Variants in OCA2 observed in about 807,000 individuals in gnomAD.
OCA2 encodes P protein.
Under a neutral mutation model 100.2 loss-of-function variants are expected in OCA2, and 77 were observed. The observed-to-expected ratio is 0.77, with a 90% CI of 0.64 to 0.93. The LOEUF (loss-of-function observed/expected upper bound fraction) is 0.93. Among genes scored for constraint, OCA2 ranks in the 40% least tolerant of loss-of-function variants. The probability of loss-of-function intolerance (pLI) is 0.00; values close to 1 mark genes in which losing one functional copy is unlikely to be tolerated. For synonymous variants in OCA2, 432 were observed against 439.2 expected (o/e 0.98, Z 0.21); for missense variants, 1,062 against 1,089.1 (o/e 0.98, Z 0.35).
At chr15:27,866,129 G>T (rs2036313740) in intron 21 of OCA2, among the ~76,000 whole-genome samples, 1 of 152,098 alleles carries the variant, frequency 6.6e-6, no homozygotes, top group South Asian at 2.1e-4. Context: ...CCCAGAGGCT[G>T]CCAGAGGGAA....
intron 19 of OCA2, among the ~76,000 whole-genome samples, chr15:27,874,714 T>C (rs1224669096): frequency 6.6e-6 from 1 of 152,184 alleles, no homozygotes; most frequent in African/African-American, 2.4e-5. Context: ...GAGTTAAGAA[T>C]GAAGGCTATC....
chr15:27,799,754 A>AG (rs1159201201), intron 23 of OCA2, among the ~76,000 whole-genome samples: 8 of 152,144 alleles, frequency 5.3e-5, no homozygotes, highest in Non-Finnish European at 1.2e-4. Context: ...AAAAAAAAAA[A>AG]AAAAAACTTT....
At chr15:28,029,708 C>T (rs1163340027) in intron 3 of OCA2, among the ~76,000 whole-genome samples, 1 of 152,006 alleles carries the variant, frequency 6.6e-6, no homozygotes, top group African/African-American at 2.4e-5. Context: ...TGTCAACACC[C>T]TTAAAAGAAT....
intron 3 of OCA2, 133 bp from the exon 4 acceptor site, chr15:28,028,192 G>T: frequency 9.9e-7 from 1 of 1,006,408 alleles, no homozygotes. Flanking sequence ...AGACAGTGGT[G>T]CACTCTCATA....
chr15:27,855,571 A>G (rs2035919157), intron 21 of OCA2, among the ~76,000 whole-genome samples: 1 of 152,202 alleles, frequency 6.6e-6, no homozygotes, highest in Non-Finnish European at 1.5e-5. Flanking sequence ...ATCACACACT[A>G]TGCCCAGAGC....
chr15:27,975,531 G>C (rs566454661), intron 14 of OCA2, among the ~76,000 whole-genome samples: 9 of 152,204 alleles, frequency 5.9e-5, no homozygotes, highest in Non-Finnish European at 1.2e-4. Context: ...AGGACAATTT[G>C]TGGAAAACGC....
intron 2 of OCA2, among the ~76,000 whole-genome samples, chr15:28,054,373 T>C (rs946235988): frequency 6.6e-6 from 1 of 152,234 alleles, no homozygotes; most frequent in African/African-American, 2.4e-5. Flanking sequence ...ATGTGCGTGC[T>C]GGTCCTCTGG....
In OCA2 at chr15:27,917,928, C is replaced by G. The variant is rs184197232; in HGVS notation, c.2079+8199G>C. On this transcript the variant is annotated intron_variant, in intron 19 of 23. Transcript: ENST00000354638. ...GGAAGGCAAGCATCTGAACTGGCTT[C>G]CTTAAGGTTACACCTCATGAAGATT... Among the ~76,000 whole-genome samples, 191 of 152,194 alleles carry G rather than the reference C, an allele frequency of 1.3e-3. 2 individuals are homozygous for G. Among genetic ancestry groups the G allele is most frequent in the Non-Finnish European group, 2.5e-4 (17 of 68,014 alleles).
At chr15:27,719,664 C>T in the OCA2 span, among the ~76,000 whole-genome samples, 70 of 152,284 alleles carry the variant, frequency 4.6e-4, 1 homozygote, top group African/African-American at 1.4e-3. Flanking sequence ...TTTACTCAAA[C>T]GGAAACATAT....
chr15:27,756,349 C>T (rs939033763), intron 23 of OCA2, among the ~76,000 whole-genome samples: 1 of 152,196 alleles, frequency 6.6e-6, no homozygotes, highest in Non-Finnish European at 1.5e-5. Context: ...GCAAGGGTTC[C>T]TCAACAGAGC....
intron 2 of OCA2, among the ~76,000 whole-genome samples, chr15:28,076,682 C>A (rs182540736): frequency 0.011 from 1,648 of 150,120 alleles, 33 homozygotes; most frequent in African/African-American, 0.038. Context: ...CCCGTCTCTA[C>A]TAAAAATACA....
intron 19 of OCA2, among the ~76,000 whole-genome samples, chr15:27,886,914 C>T (rs886219731): frequency 2.0e-5 from 3 of 152,094 alleles, no homozygotes; most frequent in African/African-American, 7.2e-5. Context: ...CCTCTGTGTC[C>T]CCACCCAAAT....
At chr15:27,980,748 C>T (rs937112427) in intron 14 of OCA2, among the ~76,000 whole-genome samples, 1 of 152,102 alleles carries the variant, frequency 6.6e-6, no homozygotes, top group African/African-American at 2.4e-5. Flanking sequence ...AATATATTGT[C>T]GTCTTTATCT....
At chr15:28,013,608 C>T (rs2042300459) in intron 9 of OCA2, among the ~76,000 whole-genome samples, 1 of 152,174 alleles carries the variant, frequency 6.6e-6, no homozygotes, top group Admixed American at 6.5e-5. Context: ...GGCAGAAACA[C>T]CGCATATGGC....
intron 2 of OCA2, among the ~76,000 whole-genome samples, chr15:28,039,579 G>A (rs2043142599): frequency 1.3e-5 from 2 of 152,150 alleles, no homozygotes; most frequent in South Asian, 4.1e-4. Flanking sequence ...CACCTGTTAT[G>A]GGCTGAACTG....
rs143164303 is a variant in OCA2 at position 27,889,093 on chromosome 15, G to A, written c.2080-17171C>T. Among the ~76,000 whole-genome samples, 4 of 152,302 alleles carry A rather than the reference G, an allele frequency of 2.6e-5. No individual in the cohort carries two copies. In the East Asian group the frequency reaches 7.7e-4, roughly 29 times the overall value. ...CAGGTTAGACTGAGCCACACATGAA[G>A]AGAAGTTAGAGGACCCAGAATTCAG... On this transcript the variant is annotated intron_variant, in intron 19 of 23. Coordinates refer to ENST00000354638, the MANE Select transcript of OCA2 (RefSeq NM_000275.3).
intron 9 of OCA2, among the ~76,000 whole-genome samples, chr15:28,013,392 G>C (rs1042172455): frequency 6.6e-6 from 1 of 152,160 alleles, no homozygotes; most frequent in Non-Finnish European, 1.5e-5. Context: ...TCAGCTTCGG[G>C]ACTATTCCCT....
the OCA2 span, among the ~76,000 whole-genome samples, chr15:27,730,732 A>AATATATTTATAT: frequency 5.9e-5 from 6 of 102,008 alleles, no homozygotes; most frequent in African/African-American, 1.7e-4. Context: ...AAAAAGACCA[A>AATATATTTATAT]ATATATATAT....
At chr15:27,993,424 C>T (rs1595781591) in intron 9 of OCA2, among the ~76,000 whole-genome samples, 2 of 152,216 alleles carry the variant, frequency 1.3e-5, no homozygotes, top group East Asian at 1.9e-4. Context: ...CTCCTCTCTC[C>T]TCGTGGGGCC....
Sources: gnomAD v4.1 joint callset for allele counts (sites outside exome capture counted in the v4.1 genomes callset) on GRCh38, gnomAD v4.1.1 for gene constraint, MANE v1.5 for transcripts, NCBI Gene and HGNC (gene_info 2026-07-23, HGNC 2026-07-21) for gene names.